Variants in LMBR1 observed in about 807,000 individuals in gnomAD.
LMBR1 encodes the protein limb region 1 protein homolog.
In LMBR1, 52 loss-of-function variants were observed where a neutral mutation model predicts 73.9. The observed-to-expected ratio is 0.70, with a 90% CI of 0.56 to 0.89. LMBR1 has a LOEUF of 0.89. Ranked by LOEUF, LMBR1 falls within the 40% of genes least tolerant of loss-of-function variation. The pLI, the probability that LMBR1 is intolerant of heterozygous loss-of-function variation, is 0.00. For synonymous variants in LMBR1, 215 were observed against 209.4 expected, an observed-to-expected ratio of 1.03 and a Z score of -0.23; for missense variants, 539 against 579.8, an observed-to-expected ratio of 0.93 and a Z score of 0.72.
At chr7:156,852,643 A>T (rs1161488014) in intron 1 of LMBR1, among the ~76,000 whole-genome samples, 2 of 152,224 alleles carry the variant, frequency 1.3e-5, no homozygotes, top group East Asian at 3.9e-4. Context: ...GAGACCTATG[A>T]TTCTCAACTG....
chr7:156,892,782 T>G (rs922984189), intron 1 of LMBR1, 146 bp downstream of exon 1: 366 of 235,446 alleles, frequency 1.6e-3, no homozygotes, highest in African/African-American at 6.3e-3. Flanking sequence ...AGAGGAGGGG[T>G]GGGGAGGGAG....
At position 156,861,954 on chromosome 7, in the gene LMBR1, G is replaced by A. The variant is rs571115406; in HGVS notation, c.67-25069C>T. On this transcript the variant is annotated intron_variant, in intron 1 of 16. Transcript: ENST00000353442. ...GATCCAAACTTTTCCACATTTTCCT[G>A]TCTTCTTCTGAGCCCTCCAAACTGT... Among the ~76,000 whole-genome samples the A allele has an allele frequency of 6.6e-5, 10 of 152,224 alleles. No homozygotes were observed. The South Asian group carries it at 1.2e-3, about 19-fold the overall frequency.
downstream of LMBR1, among the ~76,000 whole-genome samples, chr7:156,673,343 T>C (rs1021285511): frequency 2.6e-5 from 4 of 152,224 alleles, no homozygotes; most frequent in South Asian, 8.3e-4. Flanking sequence ...ACTGTGTATA[T>C]TTCCAAGTAA....
chr7:156,695,993 A>G (rs1808206924), intron 15 of LMBR1, among the ~76,000 whole-genome samples: 1 of 152,226 alleles, frequency 6.6e-6, no homozygotes, highest in Non-Finnish European at 1.5e-5. Flanking sequence ...TGGTGCTGGA[A>G]TAACTGGCAA....
intron 15 of LMBR1, among the ~76,000 whole-genome samples, chr7:156,703,486 T>G (rs1017442641): frequency 1.1e-4 from 17 of 152,114 alleles, no homozygotes; most frequent in African/African-American, 3.9e-4. Context: ...TAGGACTGAC[T>G]AGATACCTGG....
intron 5 of LMBR1, among the ~76,000 whole-genome samples, chr7:156,790,433 A>G (rs1829000864): frequency 6.6e-6 from 1 of 152,100 alleles, no homozygotes; most frequent in Non-Finnish European, 1.5e-5. Context: ...CAGTAAGAAG[A>G]GTGAAGATTG....
intron 5 of LMBR1, among the ~76,000 whole-genome samples, chr7:156,793,715 A>C (rs1739852742): frequency 6.6e-6 from 1 of 152,234 alleles, no homozygotes; most frequent in Non-Finnish European, 1.5e-5. Context: ...AATACTTATT[A>C]GTCAAATGCA....
intron 15 of LMBR1, among the ~76,000 whole-genome samples, chr7:156,698,208 C>A (rs777803902): frequency 3.3e-5 from 5 of 152,228 alleles, no homozygotes; most frequent in Admixed American, 6.5e-5. Flanking sequence ...TGGTCTTGGG[C>A]AGCTCCACCC....
chr7:156,824,147 C>CGT (rs199599808), intron 4 of LMBR1, among the ~76,000 whole-genome samples: 1 of 152,014 alleles, frequency 6.6e-6, no homozygotes, highest in African/African-American at 2.4e-5. Context: ...TACACACGCG[C>CGT]GCGCGCTGAA....
At chr7:156,843,763 G>C (rs1586179109) in intron 1 of LMBR1, among the ~76,000 whole-genome samples, 2 of 151,198 alleles carry the variant, frequency 1.3e-5, no homozygotes, top group South Asian at 4.2e-4. Context: ...TTGAACCTGG[G>C]AGATGGAGGT....
intron 1 of LMBR1, among the ~76,000 whole-genome samples, chr7:156,851,643 A>G (rs1006464063): frequency 5.3e-5 from 8 of 152,164 alleles, no homozygotes; most frequent in African/African-American, 1.9e-4. Flanking sequence ...TTGTAAGCCA[A>G]AAACAATGGA....
At chr7:156,704,019 C>T (rs1810367605) in intron 15 of LMBR1, among the ~76,000 whole-genome samples, 1 of 152,206 alleles carries the variant, frequency 6.6e-6, no homozygotes, top group Non-Finnish European at 1.5e-5. Context: ...AAGATCATTG[C>T]ACAACCACTG....
intron 3 of LMBR1, among the ~76,000 whole-genome samples, chr7:156,828,405 T>C (rs1836074346): frequency 6.6e-6 from 1 of 152,208 alleles, no homozygotes; most frequent in Non-Finnish European, 1.5e-5. Flanking sequence ...AATGGAGCAT[T>C]ATTTTTAAAA....
At chr7:156,778,145 A>G (rs1826488976) in intron 5 of LMBR1, among the ~76,000 whole-genome samples, 1 of 152,244 alleles carries the variant, frequency 6.6e-6, no homozygotes, top group South Asian at 2.1e-4. Context: ...CTCTGTAGTC[A>G]ATCATATAAA....
chr7:156,832,719 C>T (rs907123807), intron 3 of LMBR1, among the ~76,000 whole-genome samples: 11 of 152,178 alleles, frequency 7.2e-5, no homozygotes, highest in Non-Finnish European at 1.2e-4. Flanking sequence ...TTCCTCTTCC[C>T]CTTTTCTTAC....
intron 1 of LMBR1, among the ~76,000 whole-genome samples, chr7:156,891,211 A>T (rs1413388798): frequency 4.7e-4 from 38 of 81,496 alleles, no homozygotes; most frequent in East Asian, 1.9e-3. Flanking sequence ...AAAAAAAAAA[A>T]ATATATATAT....
At chr7:156,765,903 A>G (rs1446810821) in intron 5 of LMBR1, among the ~76,000 whole-genome samples, 2 of 152,200 alleles carry the variant, frequency 1.3e-5, no homozygotes, top group African/African-American at 2.4e-5. Flanking sequence ...TGAACTACAC[A>G]GTGTCAGCTC....
chr7:156,858,072 C>CAAA (rs764584626), intron 1 of LMBR1, among the ~76,000 whole-genome samples: 1 of 59,694 alleles, frequency 1.7e-5, no homozygotes. Context: ...CCAAAGTAAG[C>CAAA]AAAAAAAAAA....
intron 3 of LMBR1, among the ~76,000 whole-genome samples, chr7:156,831,601 G>A (rs1836707053): frequency 1.3e-5 from 2 of 152,066 alleles, no homozygotes; most frequent in African/African-American, 4.8e-5. Context: ...CTGACCTTCA[G>A]GAAGAGGATT....
Sources: gnomAD v4.1 joint callset for allele counts (sites outside exome capture counted in the v4.1 genomes callset) on GRCh38, gnomAD v4.1.1 for gene constraint, MANE v1.5 for transcripts, NCBI Gene and HGNC (gene_info 2026-07-23, HGNC 2026-07-21) for gene names.